Variants in DIS3L2 observed in about 807,000 individuals in gnomAD.
DIS3L2 encodes the protein DIS3-like exonuclease 2.
DIS3L2 carries 34 observed loss-of-function variants against 97.5 expected under a neutral mutation model. That is an observed-to-expected ratio of 0.35 (90% CI 0.27 to 0.46). The LOEUF (loss-of-function observed/expected upper bound fraction) is 0.46, where lower values mean the gene tolerates loss of function less well. Among genes scored for constraint, DIS3L2 ranks in the 20% least tolerant of loss-of-function variants. DIS3L2 has a pLI of 1.00. For missense variants in DIS3L2, 1,038 were observed against 1,146.0 expected (o/e 0.91, Z 1.36); for synonymous variants, 435 against 445.2 (o/e 0.98, Z 0.29).
At position 232,272,967 on chromosome 2, in the gene DIS3L2, T is replaced by C. The variant is rs978980319; in HGVS notation, c.1659+9527T>C. Among the ~76,000 whole-genome samples, 3 of 152,244 alleles carry C rather than the reference T, an allele frequency of 2.0e-5. No individual in the cohort carries two copies. In the South Asian group the frequency reaches 6.2e-4, roughly 32 times the overall value. ...ATTTCACTTGCCTTCTGGTTCTTTC[T>C]GCTTGCCTATATCCAGGCTCATTTC... is the stretch of plus-strand genomic sequence containing the variant. On this transcript the variant is annotated intron_variant, in intron 13 of 20. Transcript: ENST00000325385.
At chr2:232,288,035 A>G (rs1694493249) in intron 13 of DIS3L2, among the ~76,000 whole-genome samples, 1 of 152,150 alleles carries the variant, frequency 6.6e-6, no homozygotes, top group Admixed American at 6.6e-5. Flanking sequence ...TGATTCTTCT[A>G]CCAGGAGGTG....
chr2:232,248,457 A>C (rs1027622092), intron 11 of DIS3L2, among the ~76,000 whole-genome samples: 1 of 16,862 alleles, frequency 5.9e-5, no homozygotes, highest in African/African-American at 6.8e-4. Flanking sequence ...AAGTAATTTC[A>C]GGAGATACAG....
At chr2:232,195,997 A>G (rs1183327201) in intron 9 of DIS3L2, among the ~76,000 whole-genome samples, 1 of 152,230 alleles carries the variant, frequency 6.6e-6, no homozygotes, top group East Asian at 1.9e-4. Flanking sequence ...AGTTCAGCCT[A>G]TGCCCAGGAA....
At position 232,293,359 on chromosome 2, in the gene DIS3L2, C is replaced by T. The variant is rs1355015374; in HGVS notation, c.1660-6681C>T. ...CCTGCTGTGACAGTGATAAGGACACCGATTGCCCAGGAGACCTGGTGAAGC... is the reference window on the plus strand; with the variant it reads ...CCTGCTGTGACAGTGATAAGGACACTGATTGCCCAGGAGACCTGGTGAAGC... On this transcript the variant is annotated intron_variant, in intron 13 of 20. Coordinates refer to ENST00000325385, the MANE Select transcript of DIS3L2 (RefSeq NM_152383.5). The surrounding 1 kb of genome is among the most constrained non-coding windows in gnomAD (Gnocchi z 4.6). 1.3e-5 allele frequency among the ~76,000 whole-genome samples: 2 copies of T among 152,134 alleles called. No individual in the cohort carries two copies. Among genetic ancestry groups the T allele is most frequent in the African/African-American group, 2.4e-5 (1 of 41,434 alleles).
At chr2:232,295,505 GTC>G (rs1426594723) in intron 13 of DIS3L2, among the ~76,000 whole-genome samples, 1 of 152,150 alleles carries the variant, frequency 6.6e-6, no homozygotes, top group African/African-American at 2.4e-5. Flanking sequence ...AGTTCTCTCT[GTC>G]TCTCTTAATG....
chr2:232,299,126 C>T (rs895759635), intron 13 of DIS3L2, among the ~76,000 whole-genome samples: 1 of 152,224 alleles, frequency 6.6e-6, no homozygotes, highest in African/African-American at 2.4e-5. Context: ...CTTACCACTG[C>T]CAACATCAAA....
At chr2:232,330,665 A>G (rs761933728) in intron 15 of DIS3L2, 25 bp from the exon 16 acceptor site, 5 of 1,613,460 alleles carry the variant, frequency 3.1e-6, no homozygotes, top group Admixed American at 3.3e-5. Context: ...CACACGTCAC[A>G]TAGGTTTCTG....
rs557100195 is a variant in DIS3L2 at position 232,314,068 on chromosome 2, GC to G, written c.1739+13953del. On this transcript the variant is annotated intron_variant, in intron 14 of 20. Transcript: ENST00000325385. Reference sequence around the variant, plus strand: ...GCCAAACCATATGACACTATCACCTGCCCCATCCCACCTTTCCCTGATTTCC... The same window carrying G: ...GCCAAACCATATGACACTATCACCTGCCCATCCCACCTTTCCCTGATTTCC... Among the ~76,000 whole-genome samples, 816 of 152,288 alleles carry G rather than the reference GC, an allele frequency of 5.4e-3. 10 individuals carry two copies. The highest frequency in any genetic ancestry group is 0.018 in the African/African-American group (754 of 41,546).
chr2:232,340,595 G>A (rs1456826618), downstream of DIS3L2: 1 of 438,852 alleles, frequency 2.3e-6, no homozygotes, highest in Non-Finnish European at 4.7e-6. Context: ...CAGCCCTCGT[G>A]CCCAGGCAGC....
At position 232,270,860 on chromosome 2, in the gene DIS3L2, G is replaced by GTCCCTCTC. The variant is rs1491319157; in HGVS notation, c.1659+7422_1659+7423insCCTCTCTC. On this transcript the variant is annotated intron_variant, in intron 13 of 20. Transcript: ENST00000325385. Reference sequence around the variant, plus strand: ...CGCACTCGCGCGCTCTCTTTTTCTCGTCTCTCTCTCTCTCTCTCTCTCTCT... The same window carrying GTCCCTCTC: ...CGCACTCGCGCGCTCTCTTTTTCTCGTCCCTCTCTCTCTCTCTCTCTCTCTCTCTCTCT... Among the ~76,000 whole-genome samples, 474 of 103,856 alleles carry GTCCCTCTC rather than the reference G, an allele frequency of 4.6e-3. 28 individuals carry two copies. The East Asian group carries it at 0.053, about 12-fold the overall frequency. 68.1% of individuals were successfully genotyped at this position (103,856 alleles called of 152,430 possible).
intron 14 of DIS3L2, among the ~76,000 whole-genome samples, chr2:232,304,630 G>A (rs901994510): frequency 6.6e-6 from 1 of 152,214 alleles, no homozygotes; most frequent in African/African-American, 2.4e-5. Context: ...CTCACTGCCA[G>A]GACTGTGGAG....
chr2:231,968,491 TTCAC>T (rs1008791016), intron 1 of DIS3L2, among the ~76,000 whole-genome samples: 2 of 152,278 alleles, frequency 1.3e-5, no homozygotes, highest in African/African-American at 4.8e-5. Flanking sequence ...TTATCCTTCT[TTCAC>T]TCAGCATAAT....
At chr2:232,103,934 A>T (rs1697282076) in intron 6 of DIS3L2, among the ~76,000 whole-genome samples, 1 of 152,188 alleles carries the variant, frequency 6.6e-6, no homozygotes, top group Admixed American at 6.6e-5. Flanking sequence ...ATAGAGCTAT[A>T]TGAAGTATTT....
intron 5 of DIS3L2, among the ~76,000 whole-genome samples, chr2:232,068,909 CG>C (rs1695928613): frequency 6.6e-6 from 1 of 151,288 alleles, no homozygotes; most frequent in Non-Finnish European, 1.5e-5. Flanking sequence ...CTTTGCCTCC[CG>C]GGTTCAGGTG....
rs180895279 is a variant in DIS3L2 at position 232,244,300 on chromosome 2, T to A, written c.1318-4939T>A. 5.7e-4 allele frequency among the ~76,000 whole-genome samples: 87 copies of A among 151,422 alleles called. 1 individual carries two copies. Among genetic ancestry groups the A allele is most frequent in the African/African-American group, 2.0e-3 (82 of 41,218 alleles). On this transcript the variant is annotated intron_variant, in intron 11 of 20. Transcript: ENST00000325385. ...CCCAGCTGTGTTCTGGGGACAGGGGTGAGGAGTGTGGGGAGACATGGGTGT... is the reference window on the plus strand; with the variant it reads ...CCCAGCTGTGTTCTGGGGACAGGGGAGAGGAGTGTGGGGAGACATGGGTGT...
intron 9 of DIS3L2, among the ~76,000 whole-genome samples, chr2:232,195,548 G>T (rs1390633135): frequency 6.8e-6 from 1 of 147,704 alleles, no homozygotes; most frequent in Non-Finnish European, 1.5e-5. Context: ...CTGGGGTGGG[G>T]TGCGGTGGGG....
rs57163508 is a variant in DIS3L2 at position 232,205,211 on chromosome 2, C to CATATATATAT, written c.1125-5097_1125-5088dup. 2.1e-3 allele frequency among the ~76,000 whole-genome samples: 298 copies of CATATATATAT among 140,570 alleles called. 1 individual carries two copies. The highest frequency in any genetic ancestry group is 6.7e-3 in the African/African-American group (252 of 37,650). 92.2% of individuals were successfully genotyped at this position (140,570 alleles called of 152,430 possible). On this transcript the variant is annotated intron_variant, in intron 9 of 20. Coordinates refer to ENST00000325385, the MANE Select transcript of DIS3L2 (RefSeq NM_152383.5). ...TCCAAAAATATTTGAAGGCAGTTTA[C>CATATATATAT]ATATATATATATATATATATATATA...
At position 232,336,900 on chromosome 2, in the gene DIS3L2, TA is replaced by T; in HGVS notation, c.*271del. 1 of 1,273,424 alleles carries T rather than the reference TA, an allele frequency of 7.9e-7. No homozygotes were observed. Among genetic ancestry groups the T allele is most frequent in the Non-Finnish European group, 9.9e-7 (1 of 1,005,238 alleles). The allele number at this position is 1,273,424 out of a possible 1,614,324, so 78.9% of individuals were successfully genotyped here. A position where few individuals can be genotyped will look rare whatever the true frequency, so the allele number is the denominator to read the frequency against. On this transcript the variant is annotated 3_prime_UTR_variant, in exon 21 of 21. Coordinates refer to ENST00000325385, the MANE Select transcript of DIS3L2 (RefSeq NM_152383.5). ...GCTGGCCCCCCTTTTTTCTGGGCCC[TA>T]CTGCCCTCCTCTGCCCAGGAAATGG...
chr2:232,112,064 C>T (rs1344731222), intron 6 of DIS3L2, among the ~76,000 whole-genome samples: 3 of 152,162 alleles, frequency 2.0e-5, no homozygotes, highest in Non-Finnish European at 2.9e-5. Flanking sequence ...AGCAACTAAG[C>T]AGATACAAAG....
Sources: allele counts gnomAD v4.1 joint callset (sites outside exome capture counted in the v4.1 genomes callset), GRCh38; gene constraint gnomAD v4.1.1; non-coding constraint Gnocchi (gnomAD v3.1); transcripts MANE v1.5; gene names NCBI Gene and HGNC (gene_info 2026-07-23, HGNC 2026-07-21).